Variants in NLRC5 observed in about 807,000 individuals in gnomAD.
The protein encoded by NLRC5 is NLR family CARD domain containing 5.
Under a neutral mutation model 206.9 loss-of-function variants are expected in NLRC5, and 114 were observed. The observed-to-expected ratio is 0.55, with a 90% CI of 0.47 to 0.64. The LOEUF is 0.64. Among genes scored for constraint, NLRC5 ranks in the 30% least tolerant of loss-of-function variants. The pLI is 0.00. For synonymous variants in NLRC5, 952 were observed against 962.8 expected (o/e 0.99, Z 0.21); for missense variants, 2,008 against 2,305.5 (o/e 0.87, Z 2.64).
chr16:56,991,792 C>G (rs2056908746), intron 1 of NLRC5: 1 of 151,756 alleles, frequency 6.6e-6, no homozygotes, highest in South Asian at 2.1e-4. Flanking sequence ...AGCCACCACA[C>G]CCAGCCATAA....
chr16:57,038,446 G>A (rs1311798920), intron 15 of NLRC5, among the ~76,000 whole-genome samples: 1 of 152,048 alleles, frequency 6.6e-6, no homozygotes, highest in Non-Finnish European at 1.5e-5. Context: ...TTAGTAGAGA[G>A]AGGGTCTTGC....
Position 57,059,078 on chromosome 16 carries a change from C to T in NLRC5, c.3920+17C>T, listed in dbSNP as rs778969059. ...CTCAGTGAAGTAAGGGGATGTTGGTCCCCGAAAAGCCCCTTTCTGCTGGCC... is the reference window on the plus strand; with the variant it reads ...CTCAGTGAAGTAAGGGGATGTTGGTTCCCGAAAAGCCCCTTTCTGCTGGCC... On this transcript the variant is annotated intron_variant, in intron 29 of 48. Coordinates refer to ENST00000688547, the MANE Select transcript of NLRC5 (RefSeq NM_001384950.1). 5 of 1,613,480 alleles carry T rather than the reference C, an allele frequency of 3.1e-6. No individual in the cohort carries two copies. In the African/African-American group the frequency reaches 5.3e-5, roughly 17 times the overall value.
intron 11 of NLRC5, among the ~76,000 whole-genome samples, chr16:57,033,206 G>A (rs1267814971): frequency 1.1e-4 from 16 of 152,126 alleles, no homozygotes; most frequent in African/African-American, 2.9e-4. Context: ...TCACATCATC[G>A]ACAATAGCAG....
At chr16:57,036,675 T>C (rs1217576070) in intron 14 of NLRC5, among the ~76,000 whole-genome samples, 1 of 149,222 alleles carries the variant, frequency 6.7e-6, no homozygotes, top group Non-Finnish European at 1.5e-5. Flanking sequence ...GGGGGTGTCT[T>C]GGGGGTCTTA....
rs1315187905 is a variant in NLRC5, at chr16:57,062,945, C to T, written c.4154+1244C>T. Among the ~76,000 whole-genome samples, 3 of 152,022 alleles carry T rather than the reference C, an allele frequency of 2.0e-5. No individual in the cohort carries two copies. The East Asian group carries it at 5.8e-4, about 29-fold the overall frequency. On this transcript the variant is annotated intron_variant, in intron 32 of 48. Coordinates refer to ENST00000688547, the MANE Select transcript of NLRC5 (RefSeq NM_001384950.1). ...CCAGCCCCTGGCAACCACCATTCTG[C>T]TTTCTGTCTCTATGAATTGGACTGC...
At chr16:57,056,922 G>A (rs1297672458) in intron 27 of NLRC5, among the ~76,000 whole-genome samples, 3 of 152,008 alleles carry the variant, frequency 2.0e-5, no homozygotes, top group Non-Finnish European at 4.4e-5. Flanking sequence ...CCCTCCCAAA[G>A]TGCTGGGATT....
rs544609076 is a variant in NLRC5, at chr16:57,027,118, T to C, written c.2075+100T>C. The stretch of plus-strand genomic sequence containing the variant: ...CTCTGCCAAGAGGACTGGATAAGAA[T>C]CTTGAATATCAGAACATAATGGCCT... On this transcript the variant is annotated intron_variant, in intron 6 of 48. Transcript: ENST00000688547. 5 of 1,370,624 alleles carry C rather than the reference T, an allele frequency of 3.6e-6. No homozygotes were observed. In the East Asian group the frequency reaches 1.2e-4, roughly 32 times the overall value. 84.9% of individuals were successfully genotyped at this position (1,370,624 alleles called of 1,614,324 possible).
Position 57,029,754 on chromosome 16 carries a change from G to A in NLRC5, c.2244-19G>A. 6.2e-7 allele frequency: 1 copy of A among 1,612,518 alleles called. No individual in the cohort carries two copies. Among genetic ancestry groups the A allele is most frequent in the Non-Finnish European group, 8.5e-7 (1 of 1,178,826 alleles). The stretch of plus-strand genomic sequence containing the variant: ...CCCCAACCCCAGGGCAAAGGGACTG[G>A]GCCTTGGTCTCCTCGCAGTTTTCGG... On this transcript the variant is annotated intron_variant, in intron 8 of 48. Coordinates refer to ENST00000688547, the MANE Select transcript of NLRC5 (RefSeq NM_001384950.1).
chr16:57,000,179 G>T (rs536403291), intron 1 of NLRC5, among the ~76,000 whole-genome samples: 4 of 152,258 alleles, frequency 2.6e-5, no homozygotes, highest in East Asian at 1.9e-4. Flanking sequence ...CTTCCTGTGG[G>T]TGCTAGACCC....
chr16:56,990,124 C>T (rs1219480979), intron 1 of NLRC5, among the ~76,000 whole-genome samples: 1 of 152,104 alleles, frequency 6.6e-6, no homozygotes, highest in Admixed American at 6.5e-5. Flanking sequence ...CCTTCTGCAC[C>T]TGCGGGTTTT....
At chr16:57,067,649 T>A in intron 35 of NLRC5, 87 bp from the exon 36 acceptor site, 1 of 1,429,912 alleles carries the variant, frequency 7.0e-7, no homozygotes, top group Non-Finnish European at 9.8e-7. Flanking sequence ...TGGCCCCTTC[T>A]CCTCTCTTGG....
chr16:57,079,083 C>T lies in NLRC5; in HGVS notation c.5115C>T (p.Ala1705=). 6.2e-7 allele frequency: 1 copy of T among 1,614,170 alleles called. No homozygotes were observed. ...LPFSHLGPGG[A]LSLAQALDGS... ...TCAGCCATCTGGGCCCAGGTGGGGC[C>T]CTGAGCCTGGCCCAGGCCCTGGATG... is the stretch of plus-strand genomic sequence containing the variant. The change falls in exon 44 of 49, where the codon GCC becomes GCT. Residue 1705 remains alanine, a synonymous_variant. Coordinates refer to ENST00000688547, the MANE Select transcript of NLRC5 (RefSeq NM_001384950.1).
At chr16:56,993,156 T>TACACATATATAGACACAC (rs2142104159) in intron 1 of NLRC5, among the ~76,000 whole-genome samples, 1 of 151,302 alleles carries the variant, frequency 6.6e-6, no homozygotes, top group East Asian at 2.0e-4. Flanking sequence ...CACACACATA[T>TACACATATATAGACACAC]ACACATATAT....
chr16:57,081,687 G>A, intron 48 of NLRC5, 77 bp downstream of exon 48: 1 of 1,283,366 alleles, frequency 7.8e-7, no homozygotes, highest in Admixed American at 1.7e-5. Flanking sequence ...ACTCCCTGGA[G>A]GAGGCGGCAG....
chr16:57,065,989 C>G (rs989033338), intron 33 of NLRC5, among the ~76,000 whole-genome samples: 1 of 152,180 alleles, frequency 6.6e-6, no homozygotes, highest in African/African-American at 2.4e-5. Flanking sequence ...GAGCTTAGAG[C>G]GCAAATGCAG....
intron 1 of NLRC5, chr16:57,004,651 C>G (rs2058702024): frequency 6.6e-6 from 1 of 152,342 alleles, no homozygotes; most frequent in South Asian, 2.1e-4. Context: ...TGAGTGTGGA[C>G]TAGAGATGGA....
At chr16:57,006,295 A>AT (rs1211807190) in intron 1 of NLRC5, among the ~76,000 whole-genome samples, 3 of 146,882 alleles carry the variant, frequency 2.0e-5, no homozygotes, top group Non-Finnish European at 4.5e-5. Flanking sequence ...CACCATATTT[A>AT]TTTTTTCTTT....
Position 57,077,371 on chromosome 16 carries a change from G to A in NLRC5, c.4911G>A (p.Arg1637=). ...TCCTGCCTGGGCTGCCAGAGCTCAG[G>A]AAGATAGAGTGAGTAGCCAGCCCTA... is the stretch of plus-strand genomic sequence containing the variant. ...ATILPGLPEL[R]KIDLSGNSIS... is the part of the protein sequence containing the mutation. The change falls in exon 41 of 49, where the codon AGG becomes AGA. Residue 1637 remains arginine (R), a synonymous_variant. Coordinates refer to ENST00000688547, the MANE Select transcript of NLRC5 (RefSeq NM_001384950.1). The A allele has an allele frequency of 6.2e-7, 1 of 1,613,968 alleles. No homozygotes were observed. The highest frequency in any genetic ancestry group is 8.5e-7 in the Non-Finnish European group (1 of 1,179,946).
At chr16:57,048,612 C>G (rs1490990003) in intron 23 of NLRC5, among the ~76,000 whole-genome samples, 2 of 152,170 alleles carry the variant, frequency 1.3e-5, no homozygotes, top group African/African-American at 4.8e-5. Context: ...CGGCTTGCTG[C>G]CACCTCTGCC....
Sources: gnomAD v4.1 joint callset for allele counts (sites outside exome capture counted in the v4.1 genomes callset) on GRCh38, gnomAD v4.1.1 for gene constraint, MANE v1.5 for transcripts, NCBI Gene and HGNC (gene_info 2026-07-23, HGNC 2026-07-21) for gene names.